The following NUP93 variants were observed in gnomAD, a reference collection of about 807,000 sequenced individuals.
The protein encoded by NUP93 is nuclear pore complex protein Nup93.
A neutral mutation model predicts 107.8 loss-of-function variants in NUP93; 55 were observed. The observed-to-expected ratio is 0.51, with a 90% CI of 0.41 to 0.64. The LOEUF (loss-of-function observed/expected upper bound fraction) is 0.64. Ranked by LOEUF, NUP93 falls within the 30% of genes least tolerant of loss-of-function variation. NUP93 has a pLI of 0.00. For synonymous variants in NUP93, 390 were observed against 397.5 expected (o/e 0.98, Z 0.22); for missense variants, 937 against 1,044.7 (o/e 0.90, Z 1.42).
chr16:56,836,721 A>G lies in NUP93; in HGVS notation c.1899+4A>G, dbSNP rs199988496. On this transcript the variant is annotated splice_donor_region_variant and intron_variant, in intron 17 of 21. Coordinates refer to ENST00000308159, the MANE Select transcript of NUP93 (RefSeq NM_014669.5). ...AAAGCTGTATGACCTTGCCAAGGTAAAGTGTGCCCACTTCCTTCTTTTGCA... is the reference window on the plus strand; with the variant it reads ...AAAGCTGTATGACCTTGCCAAGGTAGAGTGTGCCCACTTCCTTCTTTTGCA... The G allele has an allele frequency of 3.8e-4, 599 of 1,583,488 alleles. No individual in the cohort carries two copies. Among genetic ancestry groups the G allele is most frequent in the South Asian group, 6.3e-4 (57 of 90,044 alleles).
intron 5 of NUP93, among the ~76,000 whole-genome samples, chr16:56,809,548 A>G (rs1963268501): frequency 6.6e-6 from 1 of 152,102 alleles, no homozygotes; most frequent in African/African-American, 2.4e-5. Context: ...TTTCATGAGT[A>G]GCTAAGATTC....
intron 6 of NUP93, among the ~76,000 whole-genome samples, chr16:56,820,153 C>A (rs968515248): frequency 2.6e-5 from 4 of 152,188 alleles, no homozygotes; most frequent in African/African-American, 9.7e-5. Context: ...ATAGCACATA[C>A]AACACCGTAA....
At chr16:56,741,766 ACTGT>A (rs1961744275) in intron 1 of NUP93, 1 of 152,232 alleles carries the variant, frequency 6.6e-6, no homozygotes, top group South Asian at 2.1e-4. Context: ...AGTGCTAACA[ACTGT>A]CTTTTTTAGG....
intron 9 of NUP93, among the ~76,000 whole-genome samples, chr16:56,829,944 G>A (rs1246379903): frequency 6.6e-6 from 1 of 152,258 alleles, no homozygotes; most frequent in Non-Finnish European, 1.5e-5. Flanking sequence ...AGAAGCGTAA[G>A]CGCAGGCCGC....
chr16:56,815,105 G>A (rs1273732830), intron 5 of NUP93, among the ~76,000 whole-genome samples: 1 of 152,240 alleles, frequency 6.6e-6, no homozygotes, highest in Non-Finnish European at 1.5e-5. Flanking sequence ...CCCAGCTACT[G>A]TTTAAATGGA....
chr16:56,809,728 A>G (rs768829708), intron 5 of NUP93, among the ~76,000 whole-genome samples: 18 of 152,158 alleles, frequency 1.2e-4, no homozygotes, highest in Non-Finnish European at 2.5e-4. Context: ...TTTGTTCCTG[A>G]TTTAAACACC....
In NUP93 at chr16:56,772,627, T is replaced by C. The variant is rs1004218555; in HGVS notation, c.297+13972T>C. Among the ~76,000 whole-genome samples, 4 of 152,360 alleles carry C rather than the reference T, an allele frequency of 2.6e-5. No individual in the cohort carries two copies. In the East Asian group the frequency reaches 7.7e-4, roughly 29 times the overall value. On this transcript the variant is annotated intron_variant, in intron 3 of 21. Transcript: ENST00000308159. ...CCTTGCTGTCTATCAGAGGTGGGCC[T>C]CTTCCTTGTTTCTCCACTGCCCTAC...
chr16:56,733,196 G>T (rs1408857035), intron 1 of NUP93, among the ~76,000 whole-genome samples: 1 of 152,168 alleles, frequency 6.6e-6, no homozygotes, highest in African/African-American at 2.4e-5. Flanking sequence ...GGATAGTAAG[G>T]GTGGCAGTGT....
chr16:56,840,909 A>G (rs1384009937), intron 20 of NUP93, among the ~76,000 whole-genome samples: 3 of 152,000 alleles, frequency 2.0e-5, no homozygotes, highest in Non-Finnish European at 4.4e-5. Context: ...AGGCACGAGA[A>G]TCGCTTGAAC....
At chr16:56,783,875 A>G (rs1962568604) in intron 3 of NUP93, 1 of 985,316 alleles carries the variant, frequency 1.0e-6, no homozygotes, top group Admixed American at 6.1e-5. Context: ...TGTCTACAGT[A>G]AGTATTTCTT....
chr16:56,845,977 A>AC lies in NUP93; in HGVS notation c.*1371dup. On this transcript the variant is annotated 3_prime_UTR_variant, in exon 22 of 22. Coordinates refer to ENST00000308159, the MANE Select transcript of NUP93 (RefSeq NM_014669.5). ...CTTCCTCCTCTAGTCCCATCTTGTC[A>AC]CCCTGGAGGACTGTCTTCAATTGAG... 6.6e-6 allele frequency: 1 copy of AC among 152,122 alleles called. No individual in the cohort carries two copies. The highest frequency in any genetic ancestry group is 1.5e-5 in the Non-Finnish European group (1 of 68,042). 9.4% of individuals were successfully genotyped at this position (152,122 alleles called of 1,614,324 possible). A position where few individuals can be genotyped will look rare whatever the true frequency, so the allele number is the denominator to read the frequency against.
intron 5 of NUP93, among the ~76,000 whole-genome samples, chr16:56,817,319 G>A (rs568835007): frequency 2.6e-5 from 4 of 152,120 alleles, no homozygotes; most frequent in Non-Finnish European, 5.9e-5. Flanking sequence ...GCTTCAGACT[G>A]CCTTTCTGAT....
intron 6 of NUP93, among the ~76,000 whole-genome samples, chr16:56,821,126 C>T (rs1314324618): frequency 6.6e-6 from 1 of 152,126 alleles, no homozygotes; most frequent in Non-Finnish European, 1.5e-5. Flanking sequence ...AACCCTATAC[C>T]AGGGCCATTC....
In NUP93 at chr16:56,777,488, G is replaced by A. The variant is rs116994428; in HGVS notation, c.297+18833G>A. On this transcript the variant is annotated intron_variant, in intron 3 of 21. Transcript: ENST00000308159. ...GTAATTTGTTTTAGTGCTAAATAAG[G>A]CTGTGCAGAAATCTTCTCTTTTTTT... Among the ~76,000 whole-genome samples, 1,110 of 152,234 alleles carry A rather than the reference G, an allele frequency of 7.3e-3. 4 individuals carry two copies. Among genetic ancestry groups the A allele is most frequent in the Non-Finnish European group, 0.012 (846 of 68,020 alleles).
intron 3 of NUP93, among the ~76,000 whole-genome samples, chr16:56,781,408 T>C (rs1221896534): frequency 6.6e-6 from 1 of 152,224 alleles, no homozygotes; most frequent in African/African-American, 2.4e-5. Context: ...AAGGGCACAA[T>C]GATCCGAGAT....
At chr16:56,786,472 C>T (rs760414299) in intron 3 of NUP93, among the ~76,000 whole-genome samples, 1 of 152,204 alleles carries the variant, frequency 6.6e-6, no homozygotes, top group Non-Finnish European at 1.5e-5. Context: ...ACTGATTGAT[C>T]TAATGGATTG....
chr16:56,818,955 C>T (rs939443127), intron 6 of NUP93, among the ~76,000 whole-genome samples: 2 of 152,178 alleles, frequency 1.3e-5, no homozygotes, highest in African/African-American at 4.8e-5. Flanking sequence ...GAAATCTGTC[C>T]TTTACACTGA....
At chr16:56,801,282 A>G (rs550407053) in intron 4 of NUP93, among the ~76,000 whole-genome samples, 5 of 152,334 alleles carry the variant, frequency 3.3e-5, no homozygotes, top group African/African-American at 9.6e-5. Flanking sequence ...TATAAACAGA[A>G]TAGATTGGAA....
chr16:56,779,465 A>G (rs1242712478), intron 3 of NUP93, among the ~76,000 whole-genome samples: 3 of 152,224 alleles, frequency 2.0e-5, no homozygotes, highest in African/African-American at 7.2e-5. Flanking sequence ...ACAATGGACT[A>G]CCAAATTTAG....
Sources: allele counts gnomAD v4.1 joint callset (sites outside exome capture counted in the v4.1 genomes callset), GRCh38; gene constraint gnomAD v4.1.1; transcripts MANE v1.5; gene names NCBI Gene and HGNC (gene_info 2026-07-23, HGNC 2026-07-21).